The following LOC112694756 variants were observed in gnomAD, a reference collection of about 807,000 sequenced individuals.
At chr16:30,066,994 C>T in the LOC112694756 span, 30 of 1,562,490 alleles carry the variant, frequency 1.9e-5, no homozygotes, top group Admixed American at 3.8e-5. Context: ...TGGGCAACTC[C>T]ACCCTCAGCT....
At chr16:30,066,953 C>T in the LOC112694756 span, 1 of 1,551,460 alleles carries the variant, frequency 6.4e-7, no homozygotes, top group Non-Finnish European at 8.7e-7. Context: ...CTGTCCATGG[C>T]TATGGCCTTT....
chr16:30,066,851 A>G, the LOC112694756 span: 3 of 1,534,156 alleles, frequency 2.0e-6, no homozygotes, highest in South Asian at 1.2e-5. Flanking sequence ...CGATCTTTAC[A>G]TTCTAAAATA....
chr16:30,069,413 G>T, the LOC112694756 span: 1 of 1,614,088 alleles, frequency 6.2e-7, no homozygotes, highest in East Asian at 2.2e-5. Context: ...TGCCTGACCA[G>T]TGCAAGGTGG....
At chr16:30,055,192 C>A in the LOC112694756 span, 20 of 399,400 alleles carry the variant, frequency 5.0e-5, no homozygotes, top group Non-Finnish European at 8.4e-5. Flanking sequence ...GCTGCGCGGA[C>A]GGTAGCTCCC....
the LOC112694756 span, among the ~76,000 whole-genome samples, chr16:30,061,548 CTTTTTTTTTTTTTTTT>C: frequency 6.1e-5 from 4 of 65,624 alleles, no homozygotes; most frequent in South Asian, 9.8e-4. Flanking sequence ...CCTCCATTTC[CTTTTTTTTTTTTTTTT>C]TTTTTTTTTT....
the LOC112694756 span, chr16:30,068,911 C>G: frequency 5.6e-6 from 9 of 1,614,132 alleles, no homozygotes; most frequent in Admixed American, 1.7e-5. Context: ...GGGGAACACA[C>G]CCCCTCAGCC....
the LOC112694756 span, chr16:30,068,894 G>A: frequency 6.2e-7 from 1 of 1,614,228 alleles, no homozygotes; most frequent in Non-Finnish European, 8.5e-7. Flanking sequence ...GTTGTGTGCT[G>A]AAGATTGGGG....
chr16:30,067,920 G>A, the LOC112694756 span: 12 of 547,930 alleles, frequency 2.2e-5, no homozygotes, highest in African/African-American at 2.1e-4. Context: ...GCCCCAGTCT[G>A]ACACCCAATT....
At chr16:30,070,276 A>G in the LOC112694756 span, 1 of 1,532,976 alleles carries the variant, frequency 6.5e-7, no homozygotes, top group Admixed American at 1.7e-5. Flanking sequence ...CTTGAAGAGG[A>G]GGCCGCCTCC....
the LOC112694756 span, chr16:30,066,821 T>G: frequency 6.7e-7 from 1 of 1,497,712 alleles, no homozygotes; most frequent in East Asian, 2.5e-5. Context: ...ACGAGGGTGT[T>G]GGGCCCTCTG....
the LOC112694756 span, chr16:30,070,089 T>G: frequency 2.5e-6 from 4 of 1,613,730 alleles, no homozygotes; most frequent in Non-Finnish European, 3.4e-6. Flanking sequence ...AGAAGAGCCC[T>G]TCTCACTCCA....
the LOC112694756 span, chr16:30,064,793 C>T: frequency 4.9e-6 from 1 of 203,584 alleles, no homozygotes; most frequent in South Asian, 1.9e-4. Context: ...AGGTGGGCCC[C>T]TTGCAGGACC....
At chr16:30,065,505 G>T in the LOC112694756 span, among the ~76,000 whole-genome samples, 2 of 152,224 alleles carry the variant, frequency 1.3e-5, no homozygotes, top group African/African-American at 4.8e-5. Flanking sequence ...AGCGCGCCAG[G>T]CTGGGGGAAA....
the LOC112694756 span, among the ~76,000 whole-genome samples, chr16:30,065,438 C>A: frequency 6.6e-6 from 1 of 152,250 alleles, no homozygotes; most frequent in African/African-American, 2.4e-5. Flanking sequence ...GCGTCCTCCA[C>A]TTCCCCGTTC....
the LOC112694756 span, chr16:30,068,661 G>C: frequency 6.2e-7 from 1 of 1,614,198 alleles, no homozygotes; most frequent in Non-Finnish European, 8.5e-7. Flanking sequence ...CAAGGGCGTG[G>C]TCCCCCTGGC....
the LOC112694756 span, chr16:30,069,819 C>T: frequency 1.6e-5 from 26 of 1,614,140 alleles, no homozygotes; most frequent in East Asian, 2.5e-4. Flanking sequence ...CGCCTCACCC[C>T]TGCTCTACAG....
chr16:30,058,462 G>A, the LOC112694756 span, among the ~76,000 whole-genome samples: 2 of 151,870 alleles, frequency 1.3e-5, no homozygotes, highest in Non-Finnish European at 2.9e-5. Context: ...ATGCCTGCTC[G>A]CCTGCTCTGC....
At chr16:30,060,627 A>T in the LOC112694756 span, among the ~76,000 whole-genome samples, 1 of 152,134 alleles carries the variant, frequency 6.6e-6, no homozygotes, top group Non-Finnish European at 1.5e-5. Flanking sequence ...AATGCTTTTA[A>T]TACCCTCTTT....
chr16:30,054,709 G>A, the LOC112694756 span: 14 of 398,956 alleles, frequency 3.5e-5, no homozygotes, highest in Non-Finnish European at 5.3e-5. Context: ...CCACCTCCTC[G>A]TCCCTCATGG....
Sources: gnomAD v4.1 joint callset for allele counts (sites outside exome capture counted in the v4.1 genomes callset) on GRCh38, gnomAD v4.1.1 for gene constraint, MANE v1.5 for transcripts.